Variants in AP1S3 observed in about 807,000 individuals in gnomAD.
AP1S3 encodes the protein adaptor related protein complex 1 subunit sigma 3.
In AP1S3, 10 loss-of-function variants were observed where a neutral mutation model predicts 20.9. The observed-to-expected ratio is 0.48, with a 90% confidence interval of 0.29 to 0.81. The LOEUF is 0.81. Among genes scored for constraint, AP1S3 ranks in the 30% least tolerant of loss-of-function variants. The probability of loss-of-function intolerance (pLI) is 0.08; values close to 1 mark genes in which losing one functional copy is unlikely to be tolerated. For missense variants in AP1S3, 154 were observed against 183.8 expected, an observed-to-expected ratio of 0.84 and a Z score of 0.94; for synonymous variants, 41 against 61.5, an observed-to-expected ratio of 0.67 and a Z score of 1.56.
Position 223,757,428 on chromosome 2 carries a change from A to T in AP1S3, c.*1287T>A. The stretch of plus-strand genomic sequence containing the variant: ...CTGCCTCCCAAAGTGCTGGAATTAT[A>T]GGCATGAGCCACTGTACCCGGCCTA... On this transcript the variant is annotated 3_prime_UTR_variant, in exon 5 of 5. Transcript: ENST00000396654. 4.8e-6 allele frequency: 1 copy of T among 210,076 alleles called. No homozygotes were observed. The highest frequency in any genetic ancestry group is 8.2e-6 in the Non-Finnish European group (1 of 121,308). The allele number at this position is 210,076 out of a possible 1,614,324, so 13.0% of individuals were successfully genotyped here.
At chr2:223,827,286 T>A (rs4674824) in intron 1 of AP1S3, among the ~76,000 whole-genome samples, 77,642 of 151,666 alleles carry the variant, frequency 0.51, 19,993 homozygotes, top group Admixed American at 0.58. Context: ...ACAACAAAAT[T>A]AAAAAGTTCT....
intron 3 of AP1S3, among the ~76,000 whole-genome samples, chr2:223,766,990 T>C (rs1185414318): frequency 1.3e-5 from 2 of 149,524 alleles, no homozygotes; most frequent in African/African-American, 5.0e-5. Context: ...CACTCATAAG[T>C]AGGAGTTGAA....
chr2:223,770,494 C>T (rs965827638), intron 3 of AP1S3, among the ~76,000 whole-genome samples: 2 of 43,398 alleles, frequency 4.6e-5, no homozygotes. Context: ...GTTAGAGAGA[C>T]AATACACACA....
intron 3 of AP1S3, chr2:223,770,085 G>A (rs1690578417): frequency 2.8e-6 from 4 of 1,450,674 alleles, no homozygotes; most frequent in Non-Finnish European, 3.7e-6. Context: ...AGAGGGACAT[G>A]TAAAAATATG....
intron 3 of AP1S3, among the ~76,000 whole-genome samples, chr2:223,767,577 G>C (rs766103890): frequency 3.9e-4 from 59 of 151,626 alleles, no homozygotes; most frequent in Non-Finnish European, 6.6e-4. Flanking sequence ...GGACAATCTT[G>C]CTGACTCTCT....
rs369023837 is a variant in AP1S3, at chr2:223,765,204, C to A, written c.429+9G>T. ...ATCTTTCTCCCATGGTTTGGGAAAC[C>A]GTACTGACCTCCTGTAACATATCAG... is the stretch of plus-strand genomic sequence containing the variant. On this transcript the variant is annotated intron_variant, in intron 4 of 4. Transcript: ENST00000396654. 1.9e-6 allele frequency: 3 copies of A among 1,608,926 alleles called. No individual in the cohort carries two copies. Among genetic ancestry groups the A allele is most frequent in the East Asian group, 4.5e-5 (2 of 44,840 alleles).
At chr2:223,771,354 T>C (rs1001557332) in intron 3 of AP1S3, among the ~76,000 whole-genome samples, 1 of 151,750 alleles carries the variant, frequency 6.6e-6, no homozygotes, top group Non-Finnish European at 1.5e-5. Context: ...AGAAACAAAA[T>C]AAAATAAAAT....
chr2:223,821,076 A>G (rs1459385898), intron 1 of AP1S3, among the ~76,000 whole-genome samples: 1 of 152,212 alleles, frequency 6.6e-6, no homozygotes, highest in Non-Finnish European at 1.5e-5. Context: ...ATGACATCCA[A>G]GCTGCTCTAG....
chr2:223,790,705 T>C (rs1011752682), intron 1 of AP1S3, among the ~76,000 whole-genome samples: 1 of 152,220 alleles, frequency 6.6e-6, no homozygotes, highest in African/African-American at 2.4e-5. Flanking sequence ...TGTTATAAAG[T>C]GATTACCACA....
At chr2:223,794,302 A>G (rs1691284229) in intron 1 of AP1S3, among the ~76,000 whole-genome samples, 1 of 151,882 alleles carries the variant, frequency 6.6e-6, no homozygotes, top group South Asian at 2.1e-4. Flanking sequence ...TAACACTAAC[A>G]CTATTGCGCC....
At chr2:223,781,170 G>C (rs1690936977) in intron 1 of AP1S3, among the ~76,000 whole-genome samples, 1 of 151,840 alleles carries the variant, frequency 6.6e-6, no homozygotes, top group South Asian at 2.1e-4. Flanking sequence ...ATATTACCAT[G>C]TTTTCTTTAT....
chr2:223,811,654 T>C (rs557424128), intron 1 of AP1S3, among the ~76,000 whole-genome samples: 1 of 152,308 alleles, frequency 6.6e-6, no homozygotes, highest in East Asian at 1.9e-4. Context: ...TTTTTAACAT[T>C]TCCATCTAAT....
At chr2:223,771,438 CCTT>C (rs1171115858) in intron 3 of AP1S3, among the ~76,000 whole-genome samples, 6 of 152,216 alleles carry the variant, frequency 3.9e-5, no homozygotes, top group Admixed American at 2.0e-4. Context: ...TGATTCCACT[CCTT>C]CTAATTATGC....
chr2:223,786,043 T>A (rs1267778669), intron 1 of AP1S3, among the ~76,000 whole-genome samples: 1 of 152,102 alleles, frequency 6.6e-6, no homozygotes, highest in African/African-American at 2.4e-5. Flanking sequence ...TGGGAGAGAC[T>A]CTACATGTGT....
At chr2:223,797,353 C>T (rs1691362540) in intron 1 of AP1S3, among the ~76,000 whole-genome samples, 1 of 152,132 alleles carries the variant, frequency 6.6e-6, no homozygotes, top group South Asian at 2.1e-4. Context: ...TCAAGTGTGG[C>T]CAAGAAAAAC....
At chr2:223,775,817 G>T in intron 3 of AP1S3, 84 bp downstream of exon 3, 2 of 976,698 alleles carry the variant, frequency 2.0e-6, no homozygotes, top group Non-Finnish European at 1.6e-6. Flanking sequence ...GTGACAGAGA[G>T]AAGGGATGTG....
chr2:223,756,947 TAGC>T lies in AP1S3; in HGVS notation c.*1765_*1767del, dbSNP rs1690235834. Reference sequence around the variant, plus strand: ...GAAAATGCACAGGTAAAACATCAAATAGCAGGCAGCAAGACAGAATACTACAAG... The same window carrying T: ...GAAAATGCACAGGTAAAACATCAAATAGGCAGCAAGACAGAATACTACAAG... On this transcript the variant is annotated 3_prime_UTR_variant, in exon 5 of 5. Transcript: ENST00000396654. The T allele has an allele frequency of 1.1e-5, 11 of 984,936 alleles. No homozygotes were observed. The highest frequency in any genetic ancestry group is 1.3e-5 in the Non-Finnish European group (11 of 829,938). The allele number at this position is 984,936 out of a possible 1,614,324, so 61.0% of individuals were successfully genotyped here.
intron 1 of AP1S3, among the ~76,000 whole-genome samples, chr2:223,813,695 A>G (rs1218566625): frequency 1.3e-5 from 2 of 152,220 alleles, no homozygotes; most frequent in Non-Finnish European, 2.9e-5. Flanking sequence ...ACATTTTCTA[A>G]AAGTTGAACA....
chr2:223,780,316 G>T (rs1387373718), intron 1 of AP1S3, among the ~76,000 whole-genome samples: 1,366 of 62,988 alleles, frequency 0.022, 30 homozygotes, highest in Non-Finnish European at 0.026. Flanking sequence ...TATAGAGAGA[G>T]AGAGAGAGAG....
Sources: allele counts gnomAD v4.1 joint callset (sites outside exome capture counted in the v4.1 genomes callset), GRCh38; gene constraint gnomAD v4.1.1; transcripts MANE v1.5; gene names NCBI Gene and HGNC (gene_info 2026-07-23, HGNC 2026-07-21).